Variants in LIPI observed in about 807,000 individuals in gnomAD.
LIPI encodes the protein lipase I.
A neutral mutation model predicts 50.6 loss-of-function variants in LIPI; 59 were observed. The observed-to-expected ratio is 1.16, with a 90% CI of 0.94 to 1.45. The LOEUF is 1.45. Among genes scored for constraint, LIPI ranks in the 40% most tolerant of loss-of-function variants. The probability of loss-of-function intolerance (pLI) is 0.00; values close to 1 mark genes in which losing one functional copy is unlikely to be tolerated. For synonymous variants in LIPI, 203 were observed against 178.2 expected, an observed-to-expected ratio of 1.14 and a Z score of -1.11; for missense variants, 586 against 536.3, an observed-to-expected ratio of 1.09 and a Z score of -0.92.
At chr21:14,199,237 A>G (rs1015799651) in intron 1 of LIPI, among the ~76,000 whole-genome samples, 1 of 152,058 alleles carries the variant, frequency 6.6e-6, no homozygotes, top group Non-Finnish European at 1.5e-5. Flanking sequence ...ACAACAAATA[A>G]CCAAAATCAG....
In LIPI at chr21:14,152,651, T is replaced by C. The variant is rs1600867672; in HGVS notation, c.1040A>G (p.Asp347Gly). ...YYFVLSIIVP[D>G]KTMMDGSFSF... Reference sequence around the variant, plus strand: ...AAACGAGCCATCCATCATAGTTTTATCTGGAACAATTATACTGAGAACAAA... The same window carrying C: ...AAACGAGCCATCCATCATAGTTTTACCTGGAACAATTATACTGAGAACAAA... The change falls in exon 8 of 10, where the codon GAT becomes GGT. Residue 347 changes from aspartate (D) to glycine (G), a missense_variant. Physicochemically the swap from Asp to Gly is moderately conservative, Grantham distance 94. Coordinates refer to ENST00000681601, the MANE Select transcript of LIPI (RefSeq NM_001302998.2). The C allele has an allele frequency of 1.9e-6, 3 of 1,549,306 alleles. No homozygotes were observed. The East Asian group carries it at 6.8e-5, about 35-fold the overall frequency.
At chr21:14,153,319 A>G (rs2018164946) in intron 7 of LIPI, among the ~76,000 whole-genome samples, 1 of 152,098 alleles carries the variant, frequency 6.6e-6, no homozygotes, top group Non-Finnish European at 1.5e-5. Context: ...TCTAGAACAG[A>G]ACGGATTTAT....
chr21:14,182,477 G>C (rs1020548037), intron 3 of LIPI, among the ~76,000 whole-genome samples: 1 of 152,142 alleles, frequency 6.6e-6, no homozygotes, highest in Non-Finnish European at 1.5e-5. Flanking sequence ...AAAGAGGAGA[G>C]AGAAGATAAA....
chr21:14,200,435 A>G (rs573280231), intron 1 of LIPI, among the ~76,000 whole-genome samples: 2 of 152,222 alleles, frequency 1.3e-5, no homozygotes, highest in East Asian at 3.9e-4. Flanking sequence ...ATGTGCAAAA[A>G]TCACTATTAT....
chr21:14,120,818 G>C (rs1485093132), intron 9 of LIPI, among the ~76,000 whole-genome samples: 1 of 148,110 alleles, frequency 6.8e-6, no homozygotes, highest in African/African-American at 2.4e-5. Flanking sequence ...TTTCACCAAG[G>C]AACACACATG....
At chr21:14,111,485 G>A (rs2016411101) in intron 9 of LIPI, among the ~76,000 whole-genome samples, 1 of 151,836 alleles carries the variant, frequency 6.6e-6, no homozygotes, top group South Asian at 2.1e-4. Context: ...ATATCTTGGA[G>A]ATTCACCCCT....
Position 14,165,269 on chromosome 21 carries a change from TA to T in LIPI, c.854del (p.Leu285TyrfsTer27). On this transcript the variant is annotated frameshift_variant, in exon 6 of 10. Transcript: ENST00000681601. LOFTEE classifies it high-confidence loss of function. ...CCTTAAAACAGTCACAGTCCACACATAAGCTAGTCTTGTAATCTTTGTATGA... is the reference window on the plus strand; with the variant it reads ...CCTTAAAACAGTCACAGTCCACACATAGCTAGTCTTGTAATCTTTGTATGA... ...CRSYKDYKTS[L>X]CVDCDCFKEK... The T allele has an allele frequency of 1.2e-6, 2 of 1,613,084 alleles. No homozygotes were observed. Among genetic ancestry groups the T allele is most frequent in the Non-Finnish European group, 1.7e-6 (2 of 1,179,254 alleles).
chr21:14,154,350 C>T (rs1380477872), intron 7 of LIPI, among the ~76,000 whole-genome samples: 1 of 151,660 alleles, frequency 6.6e-6, no homozygotes, highest in Admixed American at 6.6e-5. Context: ...TCATTTCTGA[C>T]TGAGGGAAGG....
chr21:14,115,758 A>G lies in LIPI; in HGVS notation c.1296-6678T>C, dbSNP rs146873872. Among the ~76,000 whole-genome samples, 725 of 152,196 alleles carry G rather than the reference A, an allele frequency of 4.8e-3. 9 individuals carry two copies. The highest frequency in any genetic ancestry group is 0.017 in the African/African-American group (691 of 41,532). On this transcript the variant is annotated intron_variant, in intron 9 of 9. Transcript: ENST00000681601. The stretch of plus-strand genomic sequence containing the variant: ...GAGCAGTGCGCAGGCAGACTACTGA[A>G]CCAAGGTAAGGTTGGTCCCTAGGGA...
intron 1 of LIPI, among the ~76,000 whole-genome samples, chr21:14,200,206 C>G (rs1488703842): frequency 1.3e-5 from 2 of 152,034 alleles, no homozygotes; most frequent in East Asian, 1.9e-4. Context: ...CAAGGATACC[C>G]TCTCTCACCA....
chr21:14,153,358 G>A (rs1011561076), intron 7 of LIPI, among the ~76,000 whole-genome samples: 1 of 152,144 alleles, frequency 6.6e-6, no homozygotes, highest in Admixed American at 6.6e-5. Context: ...TCTGACACAA[G>A]AGGTATAAGG....
At chr21:14,129,940 C>T (rs2017224144) in intron 9 of LIPI, among the ~76,000 whole-genome samples, 1 of 151,894 alleles carries the variant, frequency 6.6e-6, no homozygotes, top group African/African-American at 2.4e-5. Flanking sequence ...AGTTCCTGTT[C>T]CTTATTTGTA....
intron 9 of LIPI, among the ~76,000 whole-genome samples, chr21:14,120,288 G>A (rs1371782109): frequency 6.6e-6 from 1 of 152,184 alleles, no homozygotes; most frequent in Non-Finnish European, 1.5e-5. Flanking sequence ...GCCCCCTAGC[G>A]GTAGGAACCT....
intron 1 of LIPI, among the ~76,000 whole-genome samples, chr21:14,209,985 C>G (rs866082237): frequency 4.6e-5 from 7 of 151,960 alleles, no homozygotes; most frequent in Middle Eastern, 3.4e-3. Context: ...TTATGGTTAT[C>G]TCAAATAGCC....
intron 9 of LIPI, among the ~76,000 whole-genome samples, chr21:14,127,756 C>T (rs1364967555): frequency 6.6e-6 from 1 of 152,072 alleles, no homozygotes; most frequent in Non-Finnish European, 1.5e-5. Context: ...GTTGTGTGCT[C>T]ACCAACATTC....
At chr21:14,111,905 T>A (rs2016430489) in intron 9 of LIPI, among the ~76,000 whole-genome samples, 1 of 152,104 alleles carries the variant, frequency 6.6e-6, no homozygotes, top group Non-Finnish European at 1.5e-5. Context: ...TACAAGAATA[T>A]ATTGTGTAGT....
intron 7 of LIPI, among the ~76,000 whole-genome samples, chr21:14,162,073 A>G (rs2018517944): frequency 6.7e-6 from 1 of 149,392 alleles, no homozygotes. Context: ...ATTGATAGAT[A>G]GATAGATAGA....
chr21:14,162,065 T>G (rs1394868508), intron 7 of LIPI, among the ~76,000 whole-genome samples: 1 of 148,708 alleles, frequency 6.7e-6, no homozygotes, highest in Non-Finnish European at 1.5e-5. Flanking sequence ...CTACCCCTAT[T>G]GATAGATAGA....
At chr21:14,147,473 T>G (rs2017947474) in intron 8 of LIPI, among the ~76,000 whole-genome samples, 1 of 152,124 alleles carries the variant, frequency 6.6e-6, no homozygotes, top group Non-Finnish European at 1.5e-5. Context: ...GTGTAGATAA[T>G]CATTAAAAAT....
Sources: allele counts gnomAD v4.1 joint callset (sites outside exome capture counted in the v4.1 genomes callset), GRCh38; gene constraint gnomAD v4.1.1; transcripts MANE v1.5; gene names NCBI Gene and HGNC (gene_info 2026-07-23, HGNC 2026-07-21).